Variants in ZNF462 observed in about 807,000 individuals in gnomAD.
ZNF462 encodes the protein zinc finger protein 462, also known as zinc finger PBX1-interacting protein.
ZNF462 carries 10 observed loss-of-function variants against 201.9 expected under a neutral mutation model. The ratio of observed to expected loss-of-function variants is 0.05; its 90% CI spans 0.03 to 0.08. The LOEUF is 0.08. ZNF462 is among the 10% of genes least tolerant of loss of function. The probability of loss-of-function intolerance (pLI) is 1.00; values close to 1 mark genes in which losing one functional copy is unlikely to be tolerated. For synonymous variants in ZNF462, 1,227 were observed against 1,193.3 expected, an observed-to-expected ratio of 1.03 and a Z score of -0.58; for missense variants, 2,523 against 3,168.3, an observed-to-expected ratio of 0.80 and a Z score of 4.89.
intron 1 of ZNF462, among the ~76,000 whole-genome samples, chr9:106,889,595 A>G (rs1828484275): frequency 6.6e-6 from 1 of 152,190 alleles, no homozygotes; most frequent in East Asian, 1.9e-4. Context: ...CTGTTACTGA[A>G]TGCTGGACCG....
In ZNF462 at chr9:107,010,958, TGAA is replaced by T. The variant is rs1564173423; in HGVS notation, c.7450_7452del (p.Glu2484del). On this transcript the variant is annotated inframe_deletion, in exon 13 of 13. Coordinates refer to ENST00000277225, the MANE Select transcript of ZNF462 (RefSeq NM_021224.6). This position sits in a 1 kb window ranked among gnomAD's most constrained non-coding sequence, Gnocchi z 4.6. ...TTGGGATAGACTTTTCCCTAAAGAA[TGAA>T]ACAGTAGCCATCTGTGTAGTAACTG... The T allele has an allele frequency of 3.1e-6, 5 of 1,613,606 alleles. No individual in the cohort carries two copies. The Admixed American group carries it at 6.7e-5, about 22-fold the overall frequency.
chr9:106,923,579 T>A lies in ZNF462; in HGVS notation c.196T>A (p.Phe66Ile), dbSNP rs1413661481. 6.2e-7 allele frequency: 1 copy of A among 1,614,222 alleles called. No homozygotes were observed. The highest frequency in any genetic ancestry group is 8.5e-7 in the Non-Finnish European group (1 of 1,180,030). The change falls in exon 2 of 13, where the codon TTT becomes ATT. Residue 66 changes from phenylalanine (F) to isoleucine (I), a missense_variant. Around this residue, in one of 15 missense-constraint regions of ZNF462, gnomAD observed 480 missense variants for 544.4 expected, o/e 0.88. Transcript: ENST00000277225. The surrounding 1 kb of genome is among the most constrained non-coding windows in gnomAD (Gnocchi z 5.6). The part of the protein sequence containing the change: ...EVEFSSIKDE[F>I]AIAEDLSGQN... ...GGAGTTTTCTTCTATAAAGGATGAA[T>A]TTGCCATTGCAGAAGATTTATCAGG...
chr9:106,934,084 A>G (rs1423052518), intron 5 of ZNF462, among the ~76,000 whole-genome samples: 1 of 152,206 alleles, frequency 6.6e-6, no homozygotes, highest in Non-Finnish European at 1.5e-5. Context: ...GCATCTCACT[A>G]TATACCAGGC....
At position 106,907,257 on chromosome 9, in the gene ZNF462, C is replaced by T. The variant is rs543503892; in HGVS notation, c.-30-16097C>T. On this transcript the variant is annotated intron_variant, in intron 1 of 12. Coordinates refer to ENST00000277225, the MANE Select transcript of ZNF462 (RefSeq NM_021224.6). ...GCTTTTTACTAGTATTTATTGTGGA[C>T]TAAGCTCTGTAATCTGTGTCACACT... 1.3e-4 allele frequency among the ~76,000 whole-genome samples: 20 copies of T among 152,210 alleles called. No individual in the cohort carries two copies. In the East Asian group the frequency reaches 3.9e-3, roughly 29 times the overall value.
chr9:106,957,164 G>A (rs753680049), intron 7 of ZNF462, among the ~76,000 whole-genome samples: 7 of 152,108 alleles, frequency 4.6e-5, no homozygotes, highest in East Asian at 1.9e-4. Context: ...GGCGAGAGAC[G>A]TGTGACTTTT....
intron 1 of ZNF462, among the ~76,000 whole-genome samples, chr9:106,912,326 C>T (rs1829586183): frequency 6.6e-6 from 1 of 152,242 alleles, no homozygotes; most frequent in Non-Finnish European, 1.5e-5. Flanking sequence ...CAGCAACTTT[C>T]AGTCTTCCAA....
At chr9:106,948,663 T>A (rs1831212752) in intron 7 of ZNF462, among the ~76,000 whole-genome samples, 1 of 150,170 alleles carries the variant, frequency 6.7e-6, no homozygotes, top group Admixed American at 6.6e-5. Flanking sequence ...TTAGTTTAGT[T>A]TTTTTTTTTT....
chr9:107,004,953 C>G (rs1432218507), intron 11 of ZNF462, among the ~76,000 whole-genome samples: 1 of 152,070 alleles, frequency 6.6e-6, no homozygotes, highest in Non-Finnish European at 1.5e-5. Flanking sequence ...TAAGTGAGAT[C>G]ATGCAGTATT....
chr9:106,908,593 T>C (rs1208945041), intron 1 of ZNF462, among the ~76,000 whole-genome samples: 2 of 152,070 alleles, frequency 1.3e-5, no homozygotes, highest in Non-Finnish European at 2.9e-5. Flanking sequence ...TTCAATTTAC[T>C]CTGGGGATAT....
In ZNF462 at chr9:106,954,677, C is replaced by T. The variant is rs1006451493; in HGVS notation, c.6427+15570C>T. On this transcript the variant is annotated intron_variant, in intron 7 of 12. Transcript: ENST00000277225. The surrounding 1 kb of genome is among the most constrained non-coding windows in gnomAD (Gnocchi z 4.0). ...TTATGTCCCCTTTCCTTCATCTCCA[C>T]ATGCCCAGGTACTACCTGTCTTTCA... 6.6e-6 allele frequency among the ~76,000 whole-genome samples: 1 copy of T among 152,092 alleles called. No homozygotes were observed. The highest frequency in any genetic ancestry group is 2.4e-5 in the African/African-American group (1 of 41,412).
chr9:106,887,857 GATA>G (rs1828390788), intron 1 of ZNF462, among the ~76,000 whole-genome samples: 1 of 152,142 alleles, frequency 6.6e-6, no homozygotes, highest in Admixed American at 6.5e-5. Flanking sequence ...AAGAAAGACT[GATA>G]ATAAATTTTC....
Position 106,927,204 on chromosome 9 carries a change from T to TGGCCCCCCCCCCCCCCCCCC in ZNF462, c.3292_3293insGGCCCCCCCCCCCCCCCCCC (p.Ser1098TrpfsTer50). The stretch of plus-strand genomic sequence containing the variant: ...GTCTCCCAAAATGTCCAACATGGGT[T>TGGCCCCCCCCCCCCCCCCCC]CCCCACCCCCCCCACAACCCCCGCC... On this transcript the variant is annotated frameshift_variant, in exon 3 of 13. Coordinates refer to ENST00000277225, the MANE Select transcript of ZNF462 (RefSeq NM_021224.6). LOFTEE classifies it high-confidence loss of function. 6.4e-7 allele frequency: 1 copy of TGGCCCCCCCCCCCCCCCCCC among 1,570,484 alleles called. No individual in the cohort carries two copies. The highest frequency in any genetic ancestry group is 8.7e-7 in the Non-Finnish European group (1 of 1,149,842).
rs1447769611 is a variant in ZNF462 at position 106,872,941 on chromosome 9, G to A, written c.-31+9586G>A. Among the ~76,000 whole-genome samples, 1 of 151,994 alleles carries A rather than the reference G, an allele frequency of 6.6e-6. No homozygotes were observed. The highest frequency in any genetic ancestry group is 6.5e-5 in the Admixed American group (1 of 15,268). On this transcript the variant is annotated intron_variant, in intron 1 of 12. Transcript: ENST00000277225. This position sits in a 1 kb window ranked among gnomAD's most constrained non-coding sequence, Gnocchi z 4.5. The stretch of plus-strand genomic sequence containing the variant: ...AATATGAACCAGGGACTGTTCATAC[G>A]GTAGAGGAAACTGAGGTTTAGGGAG...
At chr9:106,922,475 C>G (rs1041167961) in intron 1 of ZNF462, among the ~76,000 whole-genome samples, 2 of 152,074 alleles carry the variant, frequency 1.3e-5, no homozygotes, top group African/African-American at 4.8e-5. Context: ...CAGGTATGTG[C>G]TTCATGTTTG....
intron 9 of ZNF462, among the ~76,000 whole-genome samples, chr9:106,976,874 C>T (rs146700302): frequency 6.6e-6 from 1 of 152,248 alleles, no homozygotes; most frequent in East Asian, 1.9e-4. Flanking sequence ...AACAACTTGA[C>T]GAACATGAAA....
At chr9:106,864,165 AGCTGCTGGTGCCGGT>A (rs1445210903) in intron 1 of ZNF462, among the ~76,000 whole-genome samples, 1 of 140,118 alleles carries the variant, frequency 7.1e-6, no homozygotes, top group African/African-American at 2.7e-5. Context: ...TGGCTGCTGC[AGCTGCTGGTGCCGGT>A]GCTGCTGGTG....
rs139360080 is a variant in ZNF462 at position 106,874,186 on chromosome 9, C to T, written c.-31+10831C>T. ...TAAAGAGAGTAAAATGGAACTGAAGCGTGTTGTTCTCTGGGCAGAATTTCT... is the reference window on the plus strand; with the variant it reads ...TAAAGAGAGTAAAATGGAACTGAAGTGTGTTGTTCTCTGGGCAGAATTTCT... On this transcript the variant is annotated intron_variant, in intron 1 of 12. Transcript: ENST00000277225. Among the ~76,000 whole-genome samples, 936 of 152,194 alleles carry T rather than the reference C, an allele frequency of 6.2e-3. 9 individuals are homozygous for T. The highest frequency in any genetic ancestry group is 8.9e-3 in the Non-Finnish European group (602 of 68,018).
Position 107,011,004 on chromosome 9 carries a change from G to C in ZNF462, c.7495G>C (p.Glu2499Gln). 6.2e-7 allele frequency: 1 copy of C among 1,613,598 alleles called. No individual in the cohort carries two copies. Among genetic ancestry groups the C allele is most frequent in the Non-Finnish European group, 8.5e-7 (1 of 1,179,864 alleles). Residue 2499 changes from glutamate to glutamine, a missense_variant, in exon 13 of 13, where the codon GAG (glutamate) becomes CAG (glutamine). This residue lies in a region of ZNF462 where 67 missense variants were observed against 63.2 expected (regional missense o/e 1.06). Transcript: ENST00000277225. The surrounding 1 kb of genome is among the most constrained non-coding windows in gnomAD (Gnocchi z 5.6). ...AGTAACTGCCGACAAATCTCTCCTG[G>C]AGAATGCAGAGGCCAAAAAAGAATG... ...CVVTADKSLLENAEAKKE is the reference protein window; with the variant it reads ...CVVTADKSLLQNAEAKKE
rs1244016295 is a variant in ZNF462 at position 106,930,392 on chromosome 9, C to T, written c.5848-133C>T. Reference sequence around the variant, plus strand: ...CTGACAAATTTGTTATATAAAAATACTCGCCTATATCTCCCTTGGTTTTTA... The same window carrying T: ...CTGACAAATTTGTTATATAAAAATATTCGCCTATATCTCCCTTGGTTTTTA... On this transcript the variant is annotated intron_variant, in intron 3 of 12. Transcript: ENST00000277225. The surrounding 1 kb of genome is among the most constrained non-coding windows in gnomAD (Gnocchi z 5.8). 2 of 1,163,168 alleles carry T rather than the reference C, an allele frequency of 1.7e-6. No homozygotes were observed. Among genetic ancestry groups the T allele is most frequent in the Non-Finnish European group, 2.4e-6 (2 of 842,830 alleles). 72.1% of individuals were successfully genotyped at this position (1,163,168 alleles called of 1,614,324 possible). A position where few individuals can be genotyped will look rare whatever the true frequency, so the allele number is the denominator to read the frequency against.
Sources: allele counts gnomAD v4.1 joint callset (sites outside exome capture counted in the v4.1 genomes callset), GRCh38; gene constraint gnomAD v4.1.1; regional missense constraint gnomAD v4.1.1; non-coding constraint Gnocchi (gnomAD v3.1); transcripts MANE v1.5; gene names NCBI Gene and HGNC (gene_info 2026-07-23, HGNC 2026-07-21).